Variants in AADAT observed in about 807,000 individuals in gnomAD.
AADAT encodes aminoadipate aminotransferase, also known as kynurenine/alpha-aminoadipate aminotransferase, mitochondrial.
A neutral mutation model predicts 56.2 loss-of-function variants in AADAT; 25 were observed. The observed-to-expected ratio is 0.44, with a 90% CI of 0.32 to 0.62. The LOEUF (loss-of-function observed/expected upper bound fraction) is 0.62, where lower values mean the gene tolerates loss of function less well. AADAT is among the 20% of genes least tolerant of loss of function. The pLI, the probability that AADAT is intolerant of heterozygous loss-of-function variation, is 0.04. For missense variants in AADAT, 387 were observed against 510.5 expected (o/e 0.76, Z 2.33); for synonymous variants, 173 against 164.7 (o/e 1.05, Z -0.39).
At chr4:170,075,427 T>C (rs537072758) in intron 4 of AADAT, among the ~76,000 whole-genome samples, 3 of 152,310 alleles carry the variant, frequency 2.0e-5, no homozygotes, top group African/African-American at 7.2e-5. Flanking sequence ...ACCATGCTCC[T>C]GGGCTCAAGC....
chr4:170,074,148 C>T (rs1332996279), intron 4 of AADAT, among the ~76,000 whole-genome samples: 1 of 152,168 alleles, frequency 6.6e-6, no homozygotes, highest in Non-Finnish European at 1.5e-5. Flanking sequence ...ACAGCATAAC[C>T]TAGCTTCTTC....
Position 170,088,377 on chromosome 4 carries a change from G to T in AADAT, c.236+19C>A. On this transcript the variant is annotated intron_variant, in intron 2 of 12. Coordinates refer to ENST00000337664, the MANE Select transcript of AADAT (RefSeq NM_016228.4). ...TATGAAAATAAGCCAATAAAATTAT[G>T]TTAAGTATTGATACTTACCCAGCAC... 2 of 1,555,492 alleles carry T rather than the reference G, an allele frequency of 1.3e-6. No homozygotes were observed. Among genetic ancestry groups the T allele is most frequent in the Non-Finnish European group, 8.8e-7 (1 of 1,140,464 alleles).
intron 11 of AADAT, among the ~76,000 whole-genome samples, chr4:170,062,854 A>G (rs1483112113): frequency 6.6e-6 from 1 of 152,226 alleles, no homozygotes; most frequent in African/African-American, 2.4e-5. Context: ...ATGAAAAGCA[A>G]TGAGATGTAA....
At chr4:170,064,509 A>G (rs564801538) in intron 11 of AADAT, among the ~76,000 whole-genome samples, 1 of 152,320 alleles carries the variant, frequency 6.6e-6, no homozygotes, top group South Asian at 2.1e-4. Context: ...ATGAACAACT[A>G]TATTTCCACT....
At chr4:170,063,598 T>C (rs80032479) in intron 11 of AADAT, among the ~76,000 whole-genome samples, 1,990 of 152,342 alleles carry the variant, frequency 0.013, 22 homozygotes, top group Middle Eastern at 0.024. Context: ...TGCCCTCAAG[T>C]AAGATGGCTA....
At chr4:170,076,789 C>G (rs1243579673) in intron 4 of AADAT, among the ~76,000 whole-genome samples, 1 of 152,010 alleles carries the variant, frequency 6.6e-6, no homozygotes, top group Non-Finnish European at 1.5e-5. Context: ...AAAAATCCAC[C>G]AAATCTAAGG....
upstream of AADAT, among the ~76,000 whole-genome samples, chr4:170,091,311 C>G (rs1478200986): frequency 2.0e-5 from 3 of 152,148 alleles, no homozygotes; most frequent in African/African-American, 2.4e-5. Context: ...GCTTGGCGGG[C>G]CGGCACTCAG....
intron 4 of AADAT, among the ~76,000 whole-genome samples, chr4:170,074,318 T>TACCC (rs1731935680): frequency 6.6e-6 from 1 of 152,098 alleles, no homozygotes; most frequent in Non-Finnish European, 1.5e-5. Context: ...GTACTGAGCA[T>TACCC]AGTACCCAAT....
In AADAT at chr4:170,087,324, G is replaced by A. The variant is rs922313824; in HGVS notation, c.237-76C>T. ...CAGTAGTAGACAGGAAATAATAAAT[G>A]ACAGCTTTATCAAGCACTTTGTACA... On this transcript the variant is annotated intron_variant, in intron 2 of 12. Transcript: ENST00000337664. The A allele has an allele frequency of 2.8e-6, 4 of 1,403,786 alleles. No individual in the cohort carries two copies. The African/African-American group carries it at 5.8e-5, about 20-fold the overall frequency. The allele number at this position is 1,403,786 out of a possible 1,614,324, so 87.0% of individuals were successfully genotyped here. A position where few individuals can be genotyped will look rare whatever the true frequency, so the allele number is the denominator to read the frequency against.
intron 3 of AADAT, among the ~76,000 whole-genome samples, chr4:170,081,236 T>C (rs1305976570): frequency 1.3e-5 from 2 of 152,102 alleles, no homozygotes; most frequent in African/African-American, 4.8e-5. Context: ...ATAGGTAAGC[T>C]TGAAGATTGG....
intron 11 of AADAT, 67 bp downstream of exon 11, chr4:170,064,652 A>T: frequency 1.6e-6 from 2 of 1,269,000 alleles, no homozygotes. Context: ...ATTCTATTCA[A>T]GCAAAATATT....
chr4:170,065,961 AT>A (rs1731440001), intron 10 of AADAT, among the ~76,000 whole-genome samples: 8 of 152,344 alleles, frequency 5.3e-5, no homozygotes, highest in Admixed American at 4.6e-4. Context: ...AATCTAAAAC[AT>A]TTTGCAATCA....
chr4:170,085,979 T>C (rs1732541495), intron 3 of AADAT, among the ~76,000 whole-genome samples: 1 of 152,110 alleles, frequency 6.6e-6, no homozygotes, highest in Non-Finnish European at 1.5e-5. Context: ...AGAATCTTAT[T>C]ATTCATGGAA....
At chr4:170,082,761 TAA>T (rs1732377687) in intron 3 of AADAT, among the ~76,000 whole-genome samples, 1 of 151,958 alleles carries the variant, frequency 6.6e-6, no homozygotes, top group East Asian at 1.9e-4. Context: ...ATTGGAAACC[TAA>T]AAAGAGTAGG....
At chr4:170,074,873 GA>G (rs888006275) in intron 4 of AADAT, among the ~76,000 whole-genome samples, 2 of 148,628 alleles carry the variant, frequency 1.3e-5, no homozygotes, top group South Asian at 2.1e-4. Context: ...GCATTAAAAA[GA>G]AAAAAAAAGG....
chr4:170,070,479 T>TA lies in AADAT; in HGVS notation c.720+107dup, dbSNP rs894095735. Reference sequence around the variant, plus strand: ...AATCATAATTGATTTATTTTCCATGTAAAAGTGGATTAGTTCTGACTCAGC... The same window carrying TA: ...AATCATAATTGATTTATTTTCCATGTAAAAAGTGGATTAGTTCTGACTCAGC... On this transcript the variant is annotated intron_variant, in intron 6 of 12. Coordinates refer to ENST00000337664, the MANE Select transcript of AADAT (RefSeq NM_016228.4). 4.8e-5 allele frequency: 34 copies of TA among 712,410 alleles called. 1 individual carries two copies. In the South Asian group the frequency reaches 6.2e-4, roughly 13 times the overall value. 44.1% of individuals were successfully genotyped at this position (712,410 alleles called of 1,614,324 possible). A position where few individuals can be genotyped will look rare whatever the true frequency, so the allele number is the denominator to read the frequency against.
chr4:170,068,519 C>G, intron 8 of AADAT, 72 bp downstream of exon 8: 1 of 1,182,322 alleles, frequency 8.5e-7, no homozygotes, highest in Non-Finnish European at 1.2e-6. Context: ...TTCCTGTGCT[C>G]TACCATCTAT....
chr4:170,086,299 T>A (rs991263656), intron 3 of AADAT, among the ~76,000 whole-genome samples: 1 of 151,184 alleles, frequency 6.6e-6, no homozygotes, highest in Non-Finnish European at 1.5e-5. Context: ...GGACCACAGA[T>A]GTGGTCTCTT....
At chr4:170,089,273 A>C (rs369063518) in intron 1 of AADAT, 133 of 501,672 alleles carry the variant, frequency 2.7e-4, no homozygotes, top group African/African-American at 2.0e-3. Flanking sequence ...GGCCCTCTCC[A>C]CTGTACACCC....
Sources: allele counts gnomAD v4.1 joint callset (sites outside exome capture counted in the v4.1 genomes callset), GRCh38; gene constraint gnomAD v4.1.1; transcripts MANE v1.5; gene names NCBI Gene and HGNC (gene_info 2026-07-23, HGNC 2026-07-21).